SCN3A: variants seen among roughly 807,000 people sequenced by gnomAD.
SCN3A encodes sodium channel protein type 3 subunit alpha.
In SCN3A, 60 loss-of-function variants were observed where a neutral mutation model predicts 187.6. The ratio of observed to expected loss-of-function variants is 0.32; its 90% CI spans 0.26 to 0.40. SCN3A has a LOEUF of 0.40. Among genes scored for constraint, SCN3A ranks in the 10% least tolerant of loss-of-function variants. The probability of loss-of-function intolerance (pLI) is 1.00; values close to 1 mark genes in which losing one functional copy is unlikely to be tolerated. For missense variants in SCN3A, 1,601 were observed against 2,428.2 expected (o/e 0.66, Z 7.16); for synonymous variants, 788 against 829.2 (o/e 0.95, Z 0.85).
At chr2:165,165,775 T>C (rs1009928890) in intron 5 of SCN3A, among the ~76,000 whole-genome samples, 3 of 152,202 alleles carry the variant, frequency 2.0e-5, no homozygotes, top group Non-Finnish European at 4.4e-5. Flanking sequence ...TCTGCACAAG[T>C]TTCTTTCATA....
At chr2:165,132,734 G>A (rs532234376) in intron 15 of SCN3A, among the ~76,000 whole-genome samples, 20 of 152,238 alleles carry the variant, frequency 1.3e-4, no homozygotes, top group Non-Finnish European at 2.8e-4. Context: ...AGGACTTCAC[G>A]TCTAAAACAC....
In SCN3A at chr2:165,187,135, A is replaced by G. The variant is rs186772490; in HGVS notation, c.-247-388T>C. Among the ~76,000 whole-genome samples, 464 of 152,276 alleles carry G rather than the reference A, an allele frequency of 3.0e-3. 3 individuals are homozygous for G. Among genetic ancestry groups the G allele is most frequent in the African/African-American group, 0.011 (437 of 41,560 alleles). ...TTTCCTCAAACATCTCAAAGACCAA[A>G]GAGGTAGACTAGTGGAACATGTGGT... On this transcript the variant is annotated intron_variant, in intron 1 of 27. Transcript: ENST00000283254.
In SCN3A at chr2:165,140,601, A is replaced by T; in HGVS notation, c.2019+50T>A. The T allele has an allele frequency of 6.5e-7, 1 of 1,530,350 alleles. No individual in the cohort carries two copies. Among genetic ancestry groups the T allele is most frequent in the Non-Finnish European group, 9.1e-7 (1 of 1,103,718 alleles). 94.8% of individuals were successfully genotyped at this position (1,530,350 alleles called of 1,614,324 possible). On this transcript the variant is annotated intron_variant, in intron 13 of 27. Transcript: ENST00000283254. This position sits in a 1 kb window ranked among gnomAD's most constrained non-coding sequence, Gnocchi z 4.2. ...AGCCTAAACTGTCCAGGCTTTGATT[A>T]TTTCAAATTGGTGAATAATGTCAGT... is the stretch of plus-strand genomic sequence containing the variant.
chr2:165,172,837 C>G (rs1348315341), intron 3 of SCN3A, among the ~76,000 whole-genome samples: 3 of 152,102 alleles, frequency 2.0e-5, no homozygotes, highest in South Asian at 2.1e-4. Context: ...AGACTACAAT[C>G]CCAGTTTATG....
intron 1 of SCN3A, among the ~76,000 whole-genome samples, chr2:165,193,121 T>C (rs1181849556): frequency 6.6e-6 from 1 of 152,154 alleles, no homozygotes; most frequent in African/African-American, 2.4e-5. Flanking sequence ...TAACGCACTG[T>C]GCTTTTTTCA....
rs1687547367 is a variant in SCN3A, at chr2:165,134,445, A to G, written c.2392-3028T>C. On this transcript the variant is annotated intron_variant, in intron 15 of 27. Transcript: ENST00000283254. ...TATAACAATTATTTGGTTCCACTTA[A>G]AAGAAATCTTGATCCACCCTTACGA... Among the ~76,000 whole-genome samples, 5 of 152,264 alleles carry G rather than the reference A, an allele frequency of 3.3e-5. No homozygotes were observed. The South Asian group carries it at 1.0e-3, about 32-fold the overall frequency.
At chr2:165,190,969 T>C (rs1265330043) in intron 1 of SCN3A, among the ~76,000 whole-genome samples, 1 of 151,950 alleles carries the variant, frequency 6.6e-6, no homozygotes, top group Non-Finnish European at 1.5e-5. Context: ...CAATTTTGCA[T>C]TTCTAACAAA....
At chr2:165,152,600 G>T (rs571581326) in intron 11 of SCN3A, among the ~76,000 whole-genome samples, 1 of 152,274 alleles carries the variant, frequency 6.6e-6, no homozygotes, top group Non-Finnish European at 1.5e-5. Context: ...TAATGGGATG[G>T]CTGGGTTAAA....
At chr2:165,150,663 T>A (rs1003031993) in intron 11 of SCN3A, among the ~76,000 whole-genome samples, 1 of 152,196 alleles carries the variant, frequency 6.6e-6, no homozygotes, top group Non-Finnish European at 1.5e-5. Context: ...TTTAAACTTC[T>A]ACTAGAAATA....
chr2:165,088,004 T>C lies in SCN3A; in HGVS notation c.*2146A>G. ...TAGTACTGCTTGGTGAATCATGCAC[T>C]AGTTTGTTGTAAAATTCATGTAAAC... On this transcript the variant is annotated 3_prime_UTR_variant, in exon 28 of 28. Transcript: ENST00000283254. 1 of 152,168 alleles carries C rather than the reference T, an allele frequency of 6.6e-6. No homozygotes were observed. The highest frequency in any genetic ancestry group is 1.9e-4 in the East Asian group (1 of 5,198). 9.4% of individuals were successfully genotyped at this position (152,168 alleles called of 1,614,324 possible).
intron 5 of SCN3A, among the ~76,000 whole-genome samples, chr2:165,165,845 A>G (rs1385442383): frequency 6.6e-6 from 1 of 152,224 alleles, no homozygotes; most frequent in Non-Finnish European, 1.5e-5. Flanking sequence ...AGTTTTCTTA[A>G]GTACATTCCC....
At chr2:165,115,782 AG>A (rs989678798) in intron 18 of SCN3A, among the ~76,000 whole-genome samples, 4 of 152,212 alleles carry the variant, frequency 2.6e-5, no homozygotes, top group Non-Finnish European at 5.9e-5. Context: ...AGACAAAAAA[AG>A]TTTAGACAAC....
At chr2:165,181,755 A>G (rs1690889672) in intron 2 of SCN3A, among the ~76,000 whole-genome samples, 1 of 152,204 alleles carries the variant, frequency 6.6e-6, no homozygotes, top group African/African-American at 2.4e-5. Flanking sequence ...CATGAAAAAA[A>G]GAAAAGTGGC....
At chr2:165,126,992 A>C (rs1687033575) in intron 18 of SCN3A, among the ~76,000 whole-genome samples, 1 of 152,234 alleles carries the variant, frequency 6.6e-6, no homozygotes, top group Non-Finnish European at 1.5e-5. Flanking sequence ...AGATGACGAA[A>C]ATAAGTTATT....
chr2:165,092,307 A>T lies in SCN3A; in HGVS notation c.4754T>A (p.Phe1585Tyr), dbSNP rs1272212377. The change falls in exon 27 of 28, where the codon TTC (phenylalanine) becomes TAC (tyrosine). Residue 1585 changes from phenylalanine to tyrosine, a missense_variant. Phe to Tyr is a conservative substitution (Grantham distance 22, BLOSUM62 3). Coordinates refer to ENST00000283254, the MANE Select transcript of SCN3A (RefSeq NM_006922.4). The surrounding 1 kb of genome is among the most constrained non-coding windows in gnomAD (Gnocchi z 4.2). ...GTCAAAGATGTTCCAGCCTATAGTG[A>T]AGTAGTAGTGTCTGAGGGAGACGAG... is the stretch of plus-strand genomic sequence containing the variant. ...LKLVSLRHYY[F>Y]TIGWNIFDFV... 1 of 1,613,900 alleles carries T rather than the reference A, an allele frequency of 6.2e-7. No individual in the cohort carries two copies. The highest frequency in any genetic ancestry group is 8.5e-7 in the Non-Finnish European group (1 of 1,179,940).
chr2:165,181,691 C>T (rs2105939717), intron 2 of SCN3A, among the ~76,000 whole-genome samples: 1 of 152,204 alleles, frequency 6.6e-6, no homozygotes, highest in South Asian at 2.1e-4. Context: ...GCCGAATACT[C>T]AAGTCTGAAT....
intron 21 of SCN3A, among the ~76,000 whole-genome samples, chr2:165,102,962 T>C (rs566252416): frequency 6.6e-6 from 1 of 152,322 alleles, no homozygotes; most frequent in African/African-American, 2.4e-5. Context: ...ATCAAATAAC[T>C]TAAAATGATT....
chr2:165,146,938 A>C lies in SCN3A; in HGVS notation c.1472T>G (p.Leu491Trp), dbSNP rs1553531321. The change falls in exon 12 of 28, where the codon TTG becomes TGG. Residue 491 changes from leucine (L) to tryptophan (W), a missense_variant. Leu to Trp is a moderately conservative substitution (Grantham distance 61, BLOSUM62 -2). Around this residue, in one of 11 missense-constraint regions of SCN3A, gnomAD observed 376 missense variants for 476.0 expected, o/e 0.79. Coordinates refer to ENST00000283254, the MANE Select transcript of SCN3A (RefSeq NM_006922.4). ...CCATTCTTTAGCACTTTTGGAACTC[A>C]ACTTTGATGCTTCTGAAGAACTTTC... is the stretch of plus-strand genomic sequence containing the variant. ...LLESSSEASK[L>W]SSKSAKEWRN... The C allele has an allele frequency of 1.2e-6, 2 of 1,614,002 alleles. No homozygotes were observed. The highest frequency in any genetic ancestry group is 1.7e-6 in the Non-Finnish European group (2 of 1,179,934).
Position 165,092,697 on chromosome 2 carries a change from A to G in SCN3A, c.4537-173T>C. ...TTCATGTTAAAAAAAATGGAAAAAA[A>G]ATTTATATAGCTAAACAAAGCATAT... On this transcript the variant is annotated intron_variant, in intron 26 of 27. Transcript: ENST00000283254. The surrounding 1 kb of genome is among the most constrained non-coding windows in gnomAD (Gnocchi z 4.2). The G allele has an allele frequency of 1.6e-6, 1 of 637,598 alleles. No homozygotes were observed. The allele number at this position is 637,598 out of a possible 1,614,324, so 39.5% of individuals were successfully genotyped here.
Sources: gnomAD v4.1 joint callset for allele counts (sites outside exome capture counted in the v4.1 genomes callset) on GRCh38, gnomAD v4.1.1 for gene constraint, gnomAD v4.1.1 regional missense constraint, Gnocchi (gnomAD v3.1) non-coding constraint, MANE v1.5 for transcripts, NCBI Gene and HGNC (gene_info 2026-07-23, HGNC 2026-07-21) for gene names.